The following CDH13 variants were observed in gnomAD, a reference collection of about 807,000 sequenced individuals.
The protein encoded by CDH13 is cadherin-13.
CDH13 carries 24 observed loss-of-function variants against 63.8 expected under a neutral mutation model. That is an observed-to-expected ratio of 0.38 (90% confidence interval 0.27 to 0.53). CDH13 has a LOEUF of 0.53. Among genes scored for constraint, CDH13 ranks in the 20% least tolerant of loss-of-function variants. The pLI is 0.85. For synonymous variants in CDH13, 503 were observed against 355.3 expected (o/e 1.42, Z -4.67); for missense variants, 1,049 against 903.1 (o/e 1.16, Z -2.07).
intron 4 of CDH13, among the ~76,000 whole-genome samples, chr16:83,187,210 A>T (rs1293125063): frequency 6.6e-6 from 1 of 152,142 alleles, no homozygotes; most frequent in African/African-American, 2.4e-5. Context: ...GCCTCAGGTG[A>T]TCCACCCACC....
At chr16:83,774,157 C>T (rs1283421680) in intron 11 of CDH13, among the ~76,000 whole-genome samples, 1 of 152,146 alleles carries the variant, frequency 6.6e-6, no homozygotes, top group Non-Finnish European at 1.5e-5. Context: ...TGTGCATGGC[C>T]GGTGATACCA....
chr16:83,128,037 C>G (rs1411735951), intron 4 of CDH13, among the ~76,000 whole-genome samples: 5 of 152,304 alleles, frequency 3.3e-5, no homozygotes, highest in Non-Finnish European at 7.3e-5. Context: ...TCTTCCCAAA[C>G]AGTTTCTGAG....
chr16:83,342,800 C>A (rs1392342873), intron 5 of CDH13, among the ~76,000 whole-genome samples: 2 of 148,046 alleles, frequency 1.4e-5, no homozygotes, highest in African/African-American at 5.0e-5. Context: ...GGATTCAGAT[C>A]CAAGATATTT....
intron 8 of CDH13, among the ~76,000 whole-genome samples, chr16:83,664,979 A>G (rs1241517823): frequency 6.6e-6 from 1 of 152,218 alleles, no homozygotes; most frequent in Non-Finnish European, 1.5e-5. Flanking sequence ...AACAGACACA[A>G]CAAATATTTA....
At chr16:83,135,831 C>CT (rs2036257341) in intron 4 of CDH13, among the ~76,000 whole-genome samples, 1 of 152,176 alleles carries the variant, frequency 6.6e-6, no homozygotes, top group East Asian at 1.9e-4. Context: ...TGATGGAATA[C>CT]TACTCAGCCA....
chr16:83,262,781 G>A (rs1402675606), intron 5 of CDH13, among the ~76,000 whole-genome samples: 3 of 152,150 alleles, frequency 2.0e-5, no homozygotes, highest in Admixed American at 2.0e-4. Flanking sequence ...TGTTTCTTTG[G>A]CAGATGTTTC....
chr16:83,420,809 C>G (rs114190100), intron 6 of CDH13, among the ~76,000 whole-genome samples: 1 of 152,068 alleles, frequency 6.6e-6, no homozygotes, highest in Non-Finnish European at 1.5e-5. Flanking sequence ...GCCAAAGGCC[C>G]GAGAGCTCCT....
chr16:83,007,730 G>A (rs549376367), intron 2 of CDH13, among the ~76,000 whole-genome samples: 20 of 151,756 alleles, frequency 1.3e-4, no homozygotes, highest in Admixed American at 4.6e-4. Flanking sequence ...AGGCTGAGAT[G>A]GGAGGATCAC....
At chr16:83,167,647 C>T (rs2037737689) in intron 4 of CDH13, among the ~76,000 whole-genome samples, 1 of 151,798 alleles carries the variant, frequency 6.6e-6, no homozygotes, top group South Asian at 2.1e-4. Flanking sequence ...TTTCCCAAAG[C>T]TCTCGTATCA....
chr16:82,830,956 A>G, intron 1 of CDH13, among the ~76,000 whole-genome samples: 1 of 152,288 alleles, frequency 6.6e-6, no homozygotes, highest in Middle Eastern at 3.4e-3. Flanking sequence ...GGCCTGGTAT[A>G]CAGAGGGTGC....
rs1415188293 is a variant in CDH13, at chr16:83,015,687, A to G, written c.158-16323A>G. ...TGTGTGTGTGTGTATGTATATATAT[A>G]TATATATATATATATATATATATAT... On this transcript the variant is annotated intron_variant, in intron 2 of 13. Coordinates refer to ENST00000567109, the MANE Select transcript of CDH13 (RefSeq NM_001257.5). Among the ~76,000 whole-genome samples the G allele has an allele frequency of 2.1e-3, 173 of 81,706 alleles. 1 individual carries two copies. The highest frequency in any genetic ancestry group is 0.014 in the Middle Eastern group (3 of 216). 53.6% of individuals were successfully genotyped at this position (81,706 alleles called of 152,430 possible). A position where few individuals can be genotyped will look rare whatever the true frequency, so the allele number is the denominator to read the frequency against.
At chr16:82,944,129 T>A (rs1005390403) in intron 2 of CDH13, among the ~76,000 whole-genome samples, 15 of 152,174 alleles carry the variant, frequency 9.9e-5, no homozygotes, top group African/African-American at 3.6e-4. Context: ...TCATTAGAGA[T>A]CAGGAGAATC....
At chr16:83,447,742 ATATTT>A (rs2072754224) in intron 6 of CDH13, among the ~76,000 whole-genome samples, 1 of 149,012 alleles carries the variant, frequency 6.7e-6, no homozygotes, top group Admixed American at 6.7e-5. Context: ...ATATTAAATT[ATATTT>A]TATATTATAT....
rs8059524 is a variant in CDH13, at chr16:82,794,880, T to A, written c.46-63482T>A. Among the ~76,000 whole-genome samples the A allele has an allele frequency of 3.3e-5, 5 of 152,078 alleles. No individual in the cohort carries two copies. In the South Asian group the frequency reaches 6.2e-4, roughly 19 times the overall value. On this transcript the variant is annotated intron_variant, in intron 1 of 13. Coordinates refer to ENST00000567109, the MANE Select transcript of CDH13 (RefSeq NM_001257.5). ...AACATATAAACCCCTTTTACCTCCC[T>A]CACTGGCACAAAAGCAACTTGTTTC...
intron 7 of CDH13, among the ~76,000 whole-genome samples, chr16:83,582,075 G>C (rs1347471754): frequency 6.6e-6 from 1 of 152,150 alleles, no homozygotes; most frequent in Admixed American, 6.5e-5. Flanking sequence ...TCTGAGCCTT[G>C]AGTTTCTCTC....
In CDH13 at chr16:83,780,067, A is replaced by G. The variant is rs1915413524; in HGVS notation, c.1781A>G (p.Asp594Gly). 1.9e-6 allele frequency: 3 copies of G among 1,613,978 alleles called. No homozygotes were observed. Among genetic ancestry groups the G allele is most frequent in the Non-Finnish European group, 1.7e-6 (2 of 1,179,864 alleles). Reference protein sequence around the residue: ...FIYPTVAEVCDDAKNLSVVIL... With the variant: ...FIYPTVAEVCGDAKNLSVVIL... ...TACCCCACAGTAGCTGAAGTCTGTG[A>G]TGATGCCAAAAACCTCAGTGTAGTC... Residue 594 changes from aspartate to glycine, a missense_variant, in exon 12 of 14, where the codon GAT (aspartate) becomes GGT (glycine). Coordinates refer to ENST00000567109, the MANE Select transcript of CDH13 (RefSeq NM_001257.5).
At chr16:83,297,801 A>C (rs2089637480) in intron 5 of CDH13, among the ~76,000 whole-genome samples, 1 of 152,208 alleles carries the variant, frequency 6.6e-6, no homozygotes, top group African/African-American at 2.4e-5. Context: ...TAGGTAGACT[A>C]ATCGAAGGAC....
At chr16:83,760,116 A>G (rs1913844373) in intron 11 of CDH13, among the ~76,000 whole-genome samples, 1 of 152,340 alleles carries the variant, frequency 6.6e-6, no homozygotes, top group African/African-American at 2.4e-5. Context: ...TTATACAAAT[A>G]TAAATTAAAA....
At chr16:83,000,636 C>G (rs1912819213) in intron 2 of CDH13, among the ~76,000 whole-genome samples, 2 of 145,692 alleles carry the variant, frequency 1.4e-5, no homozygotes, top group African/African-American at 5.1e-5. Context: ...GTTGCCCAGG[C>G]TAGAGTGCAG....
Sources: gnomAD v4.1 joint callset for allele counts (sites outside exome capture counted in the v4.1 genomes callset) on GRCh38, gnomAD v4.1.1 for gene constraint, MANE v1.5 for transcripts, NCBI Gene and HGNC (gene_info 2026-07-23, HGNC 2026-07-21) for gene names.